The following SFSWAP variants were observed in gnomAD, a reference collection of about 807,000 sequenced individuals.
SFSWAP encodes splicing factor, suppressor of white-apricot homolog.
In SFSWAP, 17 loss-of-function variants were observed where a neutral mutation model predicts 100.7. That is an observed-to-expected ratio of 0.17 (90% CI 0.12 to 0.25). The LOEUF (loss-of-function observed/expected upper bound fraction) is 0.25. Ranked by LOEUF, SFSWAP falls within the 10% of genes least tolerant of loss-of-function variation. The pLI, the probability that SFSWAP is intolerant of heterozygous loss-of-function variation, is 1.00. For synonymous variants in SFSWAP, 504 were observed against 510.1 expected (o/e 0.99, Z 0.16); for missense variants, 1,005 against 1,262.6 (o/e 0.80, Z 3.09).
At chr12:131,749,883 G>A (rs1015157421) in intron 7 of SFSWAP, among the ~76,000 whole-genome samples, 2 of 152,194 alleles carry the variant, frequency 1.3e-5, no homozygotes, top group Non-Finnish European at 2.9e-5. Flanking sequence ...GTCCCCACGC[G>A]AGCCCAGAGC....
rs1014248986 is a variant in SFSWAP at position 131,734,573 on chromosome 12, G to A, written c.1081+6145G>A. ...GGGCTTGTGCATGTTTGAATGCCCT[G>A]TGGACCCGGAGCTCTGTGAGGCAAA... On this transcript the variant is annotated intron_variant, in intron 7 of 17. Coordinates refer to ENST00000261674, the MANE Select transcript of SFSWAP (RefSeq NM_004592.4). The surrounding 1 kb of genome is among the most constrained non-coding windows in gnomAD (Gnocchi z 4.9). Among the ~76,000 whole-genome samples the A allele has an allele frequency of 5.3e-5, 8 of 152,350 alleles. No homozygotes were observed. The highest frequency in any genetic ancestry group is 1.7e-4 in the African/African-American group (7 of 41,578).
intron 14 of SFSWAP, among the ~76,000 whole-genome samples, chr12:131,783,133 A>G (rs1884619105): frequency 6.6e-6 from 1 of 150,464 alleles, no homozygotes; most frequent in Non-Finnish European, 1.5e-5. Flanking sequence ...GTGAGCCAAG[A>G]TCGTGTCACT....
intron 7 of SFSWAP, among the ~76,000 whole-genome samples, chr12:131,731,424 C>T (rs1327049638): frequency 6.6e-6 from 1 of 152,204 alleles, no homozygotes; most frequent in African/African-American, 2.4e-5. Flanking sequence ...CTCATGACCT[C>T]GTCTTCACTT....
At position 131,711,168 on chromosome 12, in the gene SFSWAP, G is replaced by T; in HGVS notation, c.-62G>T. The T allele has an allele frequency of 7.5e-7, 1 of 1,338,324 alleles. No individual in the cohort carries two copies. Among genetic ancestry groups the T allele is most frequent in the Non-Finnish European group, 1.0e-6 (1 of 986,974 alleles). The allele number at this position is 1,338,324 out of a possible 1,614,324, so 82.9% of individuals were successfully genotyped here. On this transcript the variant is annotated 5_prime_UTR_variant, in exon 1 of 18. Transcript: ENST00000261674. The surrounding 1 kb of genome is among the most constrained non-coding windows in gnomAD (Gnocchi z 4.9). The stretch of plus-strand genomic sequence containing the variant: ...CTTTGACTGAAGGGGTAGGCCAAGT[G>T]GAGGTATCAGGGACGTCGCGCGGCA...
chr12:131,755,346 G>C (rs1882058713), intron 9 of SFSWAP, 40 bp from the exon 10 acceptor site: 1 of 1,420,044 alleles, frequency 7.0e-7, no homozygotes, highest in Non-Finnish European at 1.0e-6. Flanking sequence ...CAGTGAGCTT[G>C]TCTTGGTAAA....
chr12:131,783,514 G>A (rs1593185815), intron 14 of SFSWAP: 1 of 151,668 alleles, frequency 6.6e-6, no homozygotes, highest in South Asian at 2.1e-4. Flanking sequence ...ATTTCTGGCC[G>A]GGCGTGGTGG....
rs1020085355 is a variant in SFSWAP, at chr12:131,794,413, T to C, written c.2535-2765T>C. On this transcript the variant is annotated intron_variant, in intron 15 of 17. Coordinates refer to ENST00000261674, the MANE Select transcript of SFSWAP (RefSeq NM_004592.4). This position sits in a 1 kb window ranked among gnomAD's most constrained non-coding sequence, Gnocchi z 4.8. ...TTAGCCATTTGTGGTGGCGTCTGCC[T>C]GTCGTCCCAGCTACTTGGGAGGCTG... is the stretch of plus-strand genomic sequence containing the variant. Among the ~76,000 whole-genome samples the C allele has an allele frequency of 6.6e-6, 1 of 151,312 alleles. No homozygotes were observed. The highest frequency in any genetic ancestry group is 2.4e-5 in the African/African-American group (1 of 41,152).
rs111314909 is a variant in SFSWAP at position 131,725,793 on chromosome 12, C to G, written c.832+163C>G. Among the ~76,000 whole-genome samples the G allele has an allele frequency of 1.3e-3, 199 of 152,220 alleles. No individual in the cohort carries two copies. Among genetic ancestry groups the G allele is most frequent in the African/African-American group, 4.5e-3 (186 of 41,522 alleles). On this transcript the variant is annotated intron_variant, in intron 5 of 17. Coordinates refer to ENST00000261674, the MANE Select transcript of SFSWAP (RefSeq NM_004592.4). This position sits in a 1 kb window ranked among gnomAD's most constrained non-coding sequence, Gnocchi z 4.3. ...TGTGTCTGAAATCCTGCAGCTAAGG[C>G]GTGATCGTTACCCCTGCTGGTGCAC... is the stretch of plus-strand genomic sequence containing the variant.
Position 131,714,565 on chromosome 12 carries a change from T to C in SFSWAP, c.389-257T>C. The C allele has an allele frequency of 1.9e-6, 1 of 514,480 alleles. No homozygotes were observed. The highest frequency in any genetic ancestry group is 3.5e-6 in the Non-Finnish European group (1 of 289,148). The allele number at this position is 514,480 out of a possible 1,614,324, so 31.9% of individuals were successfully genotyped here. ...TTTGCCGTAACAGTCTTTAATACAGTTCTTAATCCCAAAATTTTCTCAGCA... is the reference window on the plus strand; with the variant it reads ...TTTGCCGTAACAGTCTTTAATACAGCTCTTAATCCCAAAATTTTCTCAGCA... On this transcript the variant is annotated intron_variant, in intron 2 of 17. Transcript: ENST00000261674. This position sits in a 1 kb window ranked among gnomAD's most constrained non-coding sequence, Gnocchi z 6.0.
chr12:131,779,831 G>C (rs1315266247), intron 14 of SFSWAP, among the ~76,000 whole-genome samples: 1 of 152,222 alleles, frequency 6.6e-6, no homozygotes, highest in Non-Finnish European at 1.5e-5. Context: ...TTGTTTCCCA[G>C]GTGGGAGTGC....
intron 16 of SFSWAP, among the ~76,000 whole-genome samples, chr12:131,798,687 C>T (rs780363097): frequency 2.0e-5 from 3 of 152,096 alleles, no homozygotes; most frequent in Admixed American, 2.0e-4. Flanking sequence ...GTCAGGAGTT[C>T]GAGACCACCC....
In SFSWAP at chr12:131,714,546, G is replaced by A. The variant is rs537288721; in HGVS notation, c.389-276G>A. 1.2e-5 allele frequency: 6 copies of A among 482,548 alleles called. No homozygotes were observed. The highest frequency in any genetic ancestry group is 5.8e-5 in the South Asian group (2 of 34,298). The allele number at this position is 482,548 out of a possible 1,614,324, so 29.9% of individuals were successfully genotyped here. A position where few individuals can be genotyped will look rare whatever the true frequency, so the allele number is the denominator to read the frequency against. ...TAAAATTGATGTTCTTGTCTTTGCC[G>A]TAACAGTCTTTAATACAGTTCTTAA... is the stretch of plus-strand genomic sequence containing the variant. On this transcript the variant is annotated intron_variant, in intron 2 of 17. Coordinates refer to ENST00000261674, the MANE Select transcript of SFSWAP (RefSeq NM_004592.4). The surrounding 1 kb of genome is among the most constrained non-coding windows in gnomAD (Gnocchi z 6.0).
chr12:131,751,073 T>C (rs1473500655), intron 7 of SFSWAP, among the ~76,000 whole-genome samples: 2 of 152,136 alleles, frequency 1.3e-5, no homozygotes, highest in African/African-American at 4.8e-5. Flanking sequence ...TAACACTTCG[T>C]TTTTATTTAA....
At chr12:131,759,816 GA>G (rs893423658) in intron 11 of SFSWAP, among the ~76,000 whole-genome samples, 1 of 150,306 alleles carries the variant, frequency 6.7e-6, no homozygotes, top group Non-Finnish European at 1.5e-5. Flanking sequence ...AAAAAAAAAA[GA>G]AAAAAGAAAA....
chr12:131,748,405 C>T (rs1033516954), intron 7 of SFSWAP, among the ~76,000 whole-genome samples: 8 of 152,112 alleles, frequency 5.3e-5, no homozygotes, highest in East Asian at 1.9e-4. Flanking sequence ...AGTGATCCCC[C>T]GACCTTGGCC....
At chr12:131,724,223 G>A (rs1002037239) in intron 4 of SFSWAP, among the ~76,000 whole-genome samples, 1 of 152,076 alleles carries the variant, frequency 6.6e-6, no homozygotes, top group Non-Finnish European at 1.5e-5. Context: ...AAGTTGGTTT[G>A]GTCAATAAAG....
At chr12:131,742,955 A>C (rs1411127601) in intron 7 of SFSWAP, among the ~76,000 whole-genome samples, 1 of 152,226 alleles carries the variant, frequency 6.6e-6, no homozygotes, top group Non-Finnish European at 1.5e-5. Context: ...CATGGATGGC[A>C]GCTGGCAAAG....
intron 7 of SFSWAP, among the ~76,000 whole-genome samples, chr12:131,748,220 T>TG (rs1392672799): frequency 1.4e-5 from 2 of 145,630 alleles, no homozygotes; most frequent in Non-Finnish European, 3.0e-5. Flanking sequence ...TTTTAATTCT[T>TG]TTTTTTTTTT....
intron 10 of SFSWAP, among the ~76,000 whole-genome samples, 169 bp from the exon 11 acceptor site, chr12:131,756,304 T>C (rs1057019079): frequency 2.6e-5 from 4 of 152,210 alleles, no homozygotes; most frequent in African/African-American, 9.6e-5. Flanking sequence ...ATACATTCCA[T>C]TGTAAGAAAA....
Sources: gnomAD v4.1 joint callset for allele counts (sites outside exome capture counted in the v4.1 genomes callset) on GRCh38, gnomAD v4.1.1 for gene constraint, Gnocchi (gnomAD v3.1) non-coding constraint, MANE v1.5 for transcripts, NCBI Gene and HGNC (gene_info 2026-07-23, HGNC 2026-07-21) for gene names.